Variants in UPRT observed in about 807,000 individuals in gnomAD.
UPRT encodes uracil phosphoribosyltransferase homolog.
In UPRT, 5 loss-of-function variants were observed where a neutral mutation model predicts 22.6. That is an observed-to-expected ratio of 0.22 (90% CI 0.12 to 0.47). UPRT has a LOEUF of 0.47. Among genes scored for constraint, UPRT ranks in the 20% least tolerant of loss-of-function variants. The pLI, the probability that UPRT is intolerant of heterozygous loss-of-function variation, is 0.99. For synonymous variants in UPRT, 77 were observed against 87.7 expected, an observed-to-expected ratio of 0.88 and a Z score of 0.68; for missense variants, 181 against 239.9, an observed-to-expected ratio of 0.75 and a Z score of 1.62.
At chrX:75,242,867 A>G (rs1208766891) in intron 4 of UPRT, among the ~76,000 whole-genome samples, 1 of 111,701 alleles carries the variant, frequency 9.0e-6, no homozygotes, top group Admixed American at 9.6e-5. Context: ...ACAATGTCAA[A>G]TGAGATAACC....
At chrX:75,261,805 T>C (rs763930383) in intron 4 of UPRT, among the ~76,000 whole-genome samples, 35 of 111,145 alleles carry the variant, frequency 3.1e-4, no homozygotes, top group Non-Finnish European at 5.8e-4. Context: ...CAGCAGCAGA[T>C]CAAAAAGCTT....
chrX:75,291,613 A>G (rs1163904587), intron 1 of UPRT: 1 of 142,851 alleles, frequency 7.0e-6, no homozygotes, highest in African/African-American at 3.2e-5. Context: ...AGATTTAAAT[A>G]TGATATTGAA....
intron 4 of UPRT, among the ~76,000 whole-genome samples, chrX:75,255,671 A>G (rs1371967084): frequency 8.9e-6 from 1 of 111,849 alleles, no homozygotes; most frequent in African/African-American, 3.3e-5. Context: ...GGAAAGAGAC[A>G]TTTCATGCAA....
exon 2 of UPRT, among the ~76,000 whole-genome samples, chrX:75,160,645 T>G (rs748783951): frequency 8.9e-6 from 1 of 111,789 alleles, no homozygotes; most frequent in Admixed American, 9.5e-5. Flanking sequence ...TCCTCCCGCT[T>G]CAGCCTCCCA....
chrX:75,244,786 A>T (rs140603501), intron 4 of UPRT, among the ~76,000 whole-genome samples: 161 of 111,667 alleles, frequency 1.4e-3, no homozygotes, highest in Non-Finnish European at 2.6e-3. Flanking sequence ...AAAGGATTAA[A>T]GACTTAAACG....
intron 4 of UPRT, among the ~76,000 whole-genome samples, chrX:75,263,354 T>A (rs1210258638): frequency 3.6e-5 from 4 of 111,448 alleles, no homozygotes; most frequent in East Asian, 5.7e-4. Context: ...GGCCCTGTAC[T>A]TTTTTTGGTT....
At chrX:75,272,319 T>TATATACAC (rs369391024), upstream of UPRT, among the ~76,000 whole-genome samples, 14 of 88,338 alleles carry the variant, frequency 1.6e-4, no homozygotes, top group East Asian at 3.4e-4. Context: ...TGTGTATATA[T>TATATACAC]ACATATATAT....
At chrX:75,260,067 A>G (rs202226841) in intron 4 of UPRT, among the ~76,000 whole-genome samples, 3 of 112,067 alleles carry the variant, frequency 2.7e-5, no homozygotes, top group African/African-American at 6.5e-5. Flanking sequence ...GAGAGATTTT[A>G]TCACCACCAG....
In UPRT at chrX:75,204,176, G is replaced by A. The variant is rs188388813; in HGVS notation, c.-447+36297G>A. On this transcript the variant is annotated intron_variant, in intron 4 of 13. Coordinates refer to the UPRT transcript ENST00000652605. ...ATGGGCCAATTATTAGTATTAGGAG[G>A]AGGAAGATTAGGGACCCTAAGAAAG... Among the ~76,000 whole-genome samples the A allele has an allele frequency of 7.2e-5, 8 of 110,369 alleles. No homozygotes were observed. In the East Asian group the frequency reaches 2.3e-3, roughly 32 times the overall value.
chrX:75,260,176 T>C (rs1165620910), intron 4 of UPRT, among the ~76,000 whole-genome samples: 1 of 112,265 alleles, frequency 8.9e-6, no homozygotes, highest in Non-Finnish European at 1.9e-5. Flanking sequence ...AGACAATTGA[T>C]GCTAGGAAGA....
intron 2 of UPRT, among the ~76,000 whole-genome samples, chrX:75,162,892 C>A (rs770268587): frequency 9.0e-6 from 1 of 111,482 alleles, no homozygotes; most frequent in Non-Finnish European, 1.9e-5. Flanking sequence ...AGTATGATGT[C>A]GTGTTGATTT....
At chrX:75,265,663 GCCTTCTTCTCTAAAC>G (rs1462663727) in intron 4 of UPRT, among the ~76,000 whole-genome samples, 2 of 111,878 alleles carry the variant, frequency 1.8e-5, no homozygotes, top group Non-Finnish European at 3.8e-5. Context: ...ATCATCTGAA[GCCTTCTTCTCTAAAC>G]TCTTCAAAGT....
intron 1 of UPRT, among the ~76,000 whole-genome samples, chrX:75,279,685 T>C (rs1453677129): frequency 2.7e-5 from 3 of 111,355 alleles, no homozygotes; most frequent in Non-Finnish European, 5.7e-5. Context: ...GTACAGGTGG[T>C]ATTTGATTAC....
At chrX:75,272,347 C>CATATATATGTGTATATATATAT (rs1569279529), upstream of UPRT, among the ~76,000 whole-genome samples, 1 of 81,393 alleles carries the variant, frequency 1.2e-5, no homozygotes, top group African/African-American at 5.6e-5. Context: ...TATATATACA[C>CATATATATGTGTATATATATAT]ATATATATAT....
chrX:75,247,902 A>G (rs1242714976), intron 4 of UPRT, among the ~76,000 whole-genome samples: 1 of 111,756 alleles, frequency 8.9e-6, no homozygotes, highest in Admixed American at 9.5e-5. Flanking sequence ...AGGCAGCAGC[A>G]TTTGTGGTTC....
At chrX:75,158,216 A>C (rs1169829919) in intron 1 of UPRT, among the ~76,000 whole-genome samples, 1 of 111,797 alleles carries the variant, frequency 8.9e-6, no homozygotes, top group Non-Finnish European at 1.9e-5. Context: ...CGTGAGGCAT[A>C]ATAAGAGTTG....
chrX:75,198,690 A>G (rs1359796971), intron 4 of UPRT, among the ~76,000 whole-genome samples: 1 of 111,804 alleles, frequency 8.9e-6, no homozygotes, highest in Admixed American at 9.5e-5. Flanking sequence ...TGCAGAACAT[A>G]TGCACATATG....
intron 4 of UPRT, among the ~76,000 whole-genome samples, chrX:75,176,048 AG>A (rs1324541628): frequency 9.0e-6 from 1 of 111,495 alleles, no homozygotes; most frequent in Non-Finnish European, 1.9e-5. Context: ...TTCGGGTGAT[AG>A]GGGAGTATAT....
chrX:75,239,727 A>G (rs6647669), intron 4 of UPRT, among the ~76,000 whole-genome samples: 16,084 of 110,967 alleles, frequency 0.14, 1,802 homozygotes, highest in East Asian at 0.91. Flanking sequence ...TGAATTCAAC[A>G]CGATACCACA....
Sources: gnomAD v4.1 joint callset for allele counts (sites outside exome capture counted in the v4.1 genomes callset) on GRCh38, gnomAD v4.1.1 for gene constraint, MANE v1.5 for transcripts, NCBI Gene and HGNC (gene_info 2026-07-23, HGNC 2026-07-21) for gene names.